TMC5: variants seen among roughly 807,000 people sequenced by gnomAD.
The protein encoded by TMC5 is transmembrane channel-like protein 5.
TMC5 carries 86 observed loss-of-function variants against 110.5 expected under a neutral mutation model. The observed-to-expected ratio is 0.78, with a 90% CI of 0.65 to 0.93. TMC5 has a LOEUF of 0.93. Among genes scored for constraint, TMC5 ranks in the 40% least tolerant of loss-of-function variants. The pLI is 0.00. For synonymous variants in TMC5, 455 were observed against 439.5 expected (o/e 1.04, Z -0.44); for missense variants, 1,144 against 1,222.8 (o/e 0.94, Z 0.96).
chr16:19,439,909 A>T, intron 2 of TMC5, 51 bp from the exon 3 acceptor site: 1 of 748,786 alleles, frequency 1.3e-6, no homozygotes, highest in South Asian at 1.8e-5. Flanking sequence ...CAATCTCTGC[A>T]GGGAAGAAAG....
At chr16:19,434,466 AG>A (rs1967295039) in intron 2 of TMC5, among the ~76,000 whole-genome samples, 1 of 57,300 alleles carries the variant, frequency 1.7e-5, no homozygotes, top group African/African-American at 1.1e-4. Flanking sequence ...CTATATCTAT[AG>A]ATAGATAGAT....
At chr16:19,482,198 T>A (rs1890929887) in intron 15 of TMC5, among the ~76,000 whole-genome samples, 1 of 152,116 alleles carries the variant, frequency 6.6e-6, no homozygotes, top group African/African-American at 2.4e-5. Context: ...GCTGGGACTA[T>A]AGGCATGTGC....
intron 20 of TMC5, 37 bp downstream of exon 20, chr16:19,494,403 C>T (rs767741165): frequency 1.9e-5 from 29 of 1,508,616 alleles, no homozygotes; most frequent in Non-Finnish European, 2.5e-5. Flanking sequence ...CCCTGGGACA[C>T]GAGCTTGCCT....
intron 5 of TMC5, chr16:19,456,725 G>A (rs369122998): frequency 9.9e-6 from 16 of 1,610,012 alleles, no homozygotes; most frequent in Non-Finnish European, 1.4e-5. Flanking sequence ...CGATGACCAC[G>A]TGAATGAAAT....
chr16:19,439,301 G>A (rs773476574), intron 2 of TMC5, among the ~76,000 whole-genome samples: 1 of 152,136 alleles, frequency 6.6e-6, no homozygotes, highest in Non-Finnish European at 1.5e-5. Flanking sequence ...ACTTACCCTA[G>A]TCCTCTAGTT....
intron 5 of TMC5, chr16:19,456,737 A>G (rs763102571): frequency 7.4e-6 from 12 of 1,612,502 alleles, no homozygotes; most frequent in Admixed American, 1.7e-5. Flanking sequence ...GAATGAAATC[A>G]TCATACAGGT....
intron 1 of TMC5, among the ~76,000 whole-genome samples, chr16:19,421,467 T>A (rs1966981546): frequency 6.6e-6 from 1 of 152,168 alleles, no homozygotes; most frequent in Non-Finnish European, 1.5e-5. Context: ...ATGTAAGATG[T>A]GCCTTTGCTC....
intron 1 of TMC5, among the ~76,000 whole-genome samples, chr16:19,423,548 T>C (rs1483557404): frequency 6.6e-6 from 1 of 152,228 alleles, no homozygotes; most frequent in East Asian, 1.9e-4. Flanking sequence ...TTTTTACATA[T>C]TGTGGTTTAT....
chr16:19,458,318 A>C (rs1333080612), intron 5 of TMC5, among the ~76,000 whole-genome samples: 1 of 151,920 alleles, frequency 6.6e-6, no homozygotes, highest in Non-Finnish European at 1.5e-5. Context: ...TCAAGCAATT[A>C]TCCTGCCTCA....
chr16:19,460,676 G>A (rs1054181844), intron 6 of TMC5, among the ~76,000 whole-genome samples: 15 of 152,080 alleles, frequency 9.9e-5, no homozygotes, highest in African/African-American at 3.6e-4. Flanking sequence ...ATGTGATGGG[G>A]GAAACATGTC....
intron 20 of TMC5, among the ~76,000 whole-genome samples, chr16:19,496,796 G>A (rs1242187188): frequency 1.3e-5 from 2 of 150,914 alleles, no homozygotes; most frequent in African/African-American, 2.4e-5. Context: ...AGGCTGAGGC[G>A]GGAAAATCGC....
chr16:19,447,536 G>A (rs1198889838), intron 4 of TMC5, among the ~76,000 whole-genome samples: 1 of 152,076 alleles, frequency 6.6e-6, no homozygotes, highest in Non-Finnish European at 1.5e-5. Flanking sequence ...TGTGTTCACT[G>A]ATTCAATTCC....
In TMC5 at chr16:19,490,237, A is replaced by G. The variant is rs573967259; in HGVS notation, c.2574-158A>G. 2.0e-5 allele frequency among the ~76,000 whole-genome samples: 3 copies of G among 152,290 alleles called. No homozygotes were observed. The East Asian group carries it at 5.8e-4, about 29-fold the overall frequency. The stretch of plus-strand genomic sequence containing the variant: ...TCCTTAGAGTACAGGTCACCCCAGC[A>G]AGGCTGAGAGCAAGAGGGTTTCTTT... On this transcript the variant is annotated intron_variant, in intron 17 of 21. Coordinates refer to ENST00000542583, the MANE Select transcript of TMC5 (RefSeq NM_001261841.2).
In TMC5 at chr16:19,440,911, A is replaced by C. The variant is rs1967472791; in HGVS notation, c.788+85A>C. The C allele has an allele frequency of 3.7e-5, 51 of 1,365,250 alleles. No individual in the cohort carries two copies. In the South Asian group the frequency reaches 6.5e-4, roughly 17 times the overall value. The allele number at this position is 1,365,250 out of a possible 1,614,324, so 84.6% of individuals were successfully genotyped here. A position where few individuals can be genotyped will look rare whatever the true frequency, so the allele number is the denominator to read the frequency against. ...CAATGGAATTTGGTTGGTGTGGTTTAGATTAGGGATATATATGACGGTTTC... is the reference window on the plus strand; with the variant it reads ...CAATGGAATTTGGTTGGTGTGGTTTCGATTAGGGATATATATGACGGTTTC... On this transcript the variant is annotated intron_variant, in intron 3 of 21. Coordinates refer to ENST00000542583, the MANE Select transcript of TMC5 (RefSeq NM_001261841.2).
intron 10 of TMC5, among the ~76,000 whole-genome samples, chr16:19,470,905 G>A (rs145452703): frequency 0.02 from 3,034 of 151,440 alleles, 115 homozygotes; most frequent in African/African-American, 0.07. Flanking sequence ...GCGTGGTGGC[G>A]GGCACCTGTA....
intron 19 of TMC5, among the ~76,000 whole-genome samples, chr16:19,492,507 G>A (rs905289447): frequency 1.3e-5 from 2 of 152,102 alleles, no homozygotes; most frequent in Admixed American, 1.3e-4. Context: ...GTGCAGTGGT[G>A]CAATCTCGGC....
Position 19,460,340 on chromosome 16 carries a change from G to A in TMC5, c.1148+6G>A, listed in dbSNP as rs550008589. Reference sequence around the variant, plus strand: ...GAAGAGAAAAGGAACCTTAGGTATGGACTAAAGGCTTTTCTTCTTTCTCAG... The same window carrying A: ...GAAGAGAAAAGGAACCTTAGGTATGAACTAAAGGCTTTTCTTCTTTCTCAG... On this transcript the variant is annotated splice_donor_region_variant and intron_variant, in intron 6 of 21. Coordinates refer to ENST00000542583, the MANE Select transcript of TMC5 (RefSeq NM_001261841.2). 1.3e-6 allele frequency: 2 copies of A among 1,591,500 alleles called. No individual in the cohort carries two copies. Among genetic ancestry groups the A allele is most frequent in the East Asian group, 2.2e-5 (1 of 44,778 alleles).
intron 13 of TMC5, among the ~76,000 whole-genome samples, 193 bp from the exon 14 acceptor site, chr16:19,479,238 A>C (rs1968557627): frequency 6.6e-6 from 1 of 152,208 alleles, no homozygotes; most frequent in South Asian, 2.1e-4. Flanking sequence ...AAGGAAACCC[A>C]AAAGAGAACA....
upstream of TMC5, chr16:19,410,568 T>G (rs1190074519): frequency 1.3e-5 from 2 of 152,112 alleles, no homozygotes; most frequent in Non-Finnish European, 2.9e-5. Context: ...AAAGAAAGAA[T>G]GAATGCAGAC....
Sources: allele counts gnomAD v4.1 joint callset (sites outside exome capture counted in the v4.1 genomes callset), GRCh38; gene constraint gnomAD v4.1.1; transcripts MANE v1.5; gene names NCBI Gene and HGNC (gene_info 2026-07-23, HGNC 2026-07-21).